Variants in ANKS1B observed in about 807,000 individuals in gnomAD.
ANKS1B encodes the protein ankyrin repeat and sterile alpha motif domain-containing protein 1B.
A neutral mutation model predicts 148.3 loss-of-function variants in ANKS1B; 36 were observed. The observed-to-expected ratio is 0.24, with a 90% confidence interval of 0.19 to 0.32. The LOEUF (loss-of-function observed/expected upper bound fraction) is 0.32. Among genes scored for constraint, ANKS1B ranks in the 10% least tolerant of loss-of-function variants. The pLI is 1.00. For synonymous variants in ANKS1B, 542 were observed against 560.8 expected (o/e 0.97, Z 0.47); for missense variants, 1,157 against 1,542.6 (o/e 0.75, Z 4.19).
intron 12 of ANKS1B, among the ~76,000 whole-genome samples, chr12:99,317,593 A>G (rs1566878726): frequency 1.3e-5 from 2 of 152,100 alleles, no homozygotes; most frequent in Non-Finnish European, 2.9e-5. Context: ...TAAATATACA[A>G]TCATGGCATC....
chr12:99,780,106 TAC>T, intron 5 of ANKS1B, 134 bp from the exon 6 acceptor site: 18 of 653,102 alleles, frequency 2.8e-5, no homozygotes, highest in African/African-American at 5.6e-5. Context: ...AATTAAGTTC[TAC>T]ACACACACAT....
intron 9 of ANKS1B, among the ~76,000 whole-genome samples, chr12:99,615,977 G>A (rs1041527034): frequency 6.6e-6 from 1 of 152,074 alleles, no homozygotes; most frequent in Non-Finnish European, 1.5e-5. Context: ...AAAATCACAA[G>A]CATTCCTATA....
chr12:98,888,358 T>C (rs1250232329), intron 17 of ANKS1B, among the ~76,000 whole-genome samples: 2 of 152,208 alleles, frequency 1.3e-5, no homozygotes, highest in Non-Finnish European at 2.9e-5. Flanking sequence ...GCCAAGTCAC[T>C]ATTATTTCTC....
intron 17 of ANKS1B, among the ~76,000 whole-genome samples, chr12:98,906,880 A>G (rs1463877111): frequency 1.3e-5 from 2 of 152,178 alleles, no homozygotes; most frequent in East Asian, 3.8e-4. Flanking sequence ...GGTAGAATTA[A>G]CAAGCAAAAC....
At chr12:99,137,520 A>G (rs150619193) in intron 15 of ANKS1B, among the ~76,000 whole-genome samples, 75 of 152,318 alleles carry the variant, frequency 4.9e-4, no homozygotes, top group African/African-American at 1.8e-3. Context: ...AAAGACAGAA[A>G]TAAACAAACC....
chr12:99,137,999 TAGAATA>T (rs1247801751), intron 15 of ANKS1B, among the ~76,000 whole-genome samples: 2 of 152,290 alleles, frequency 1.3e-5, no homozygotes, highest in East Asian at 3.9e-4. Context: ...GTAAAACACT[TAGAATA>T]GTGGTGCCTG....
intron 12 of ANKS1B, among the ~76,000 whole-genome samples, chr12:99,304,349 C>T (rs889096060): frequency 1.3e-5 from 2 of 152,024 alleles, no homozygotes; most frequent in African/African-American, 4.8e-5. Flanking sequence ...CTGGGAGGGT[C>T]TTCTTAACGC....
intron 9 of ANKS1B, among the ~76,000 whole-genome samples, chr12:99,559,215 A>G (rs1314226582): frequency 6.6e-6 from 1 of 151,964 alleles, no homozygotes; most frequent in Non-Finnish European, 1.5e-5. Flanking sequence ...TCCTAGTTGC[A>G]TCTAGTTGGC....
At chr12:98,990,051 A>G (rs2099925670) in intron 17 of ANKS1B, among the ~76,000 whole-genome samples, 1 of 152,164 alleles carries the variant, frequency 6.6e-6, no homozygotes, top group Admixed American at 6.5e-5. Context: ...AGAAAAAGAA[A>G]GAAAGTCATT....
chr12:99,131,900 C>T (rs963171633), intron 15 of ANKS1B, among the ~76,000 whole-genome samples: 2 of 152,164 alleles, frequency 1.3e-5, no homozygotes, highest in Non-Finnish European at 2.9e-5. Context: ...CTGCTCTCCC[C>T]CTGCCTCTCC....
intron 17 of ANKS1B, among the ~76,000 whole-genome samples, chr12:98,908,657 G>A (rs759000458): frequency 6.6e-6 from 1 of 152,166 alleles, no homozygotes; most frequent in Non-Finnish European, 1.5e-5. Context: ...GCTGCTTGAG[G>A]AGAAGAGTCA....
At chr12:99,734,026 C>G (rs892270049) in intron 8 of ANKS1B, among the ~76,000 whole-genome samples, 3 of 152,182 alleles carry the variant, frequency 2.0e-5, no homozygotes, top group Non-Finnish European at 2.9e-5. Context: ...CTGTTCCAAA[C>G]CTTAATCACC....
chr12:99,663,433 C>T (rs1372804392), intron 8 of ANKS1B, among the ~76,000 whole-genome samples: 1 of 152,090 alleles, frequency 6.6e-6, no homozygotes, highest in Non-Finnish European at 1.5e-5. Context: ...TGAAAATTAC[C>T]TTGCAAGGCT....
chr12:99,236,386 G>A (rs1385773480), intron 14 of ANKS1B, among the ~76,000 whole-genome samples: 1 of 152,158 alleles, frequency 6.6e-6, no homozygotes, highest in East Asian at 1.9e-4. Context: ...GGAGGCCTCA[G>A]GAAACTTACA....
chr12:99,314,453 T>C (rs1399865281), intron 12 of ANKS1B, among the ~76,000 whole-genome samples: 1 of 152,142 alleles, frequency 6.6e-6, no homozygotes, highest in East Asian at 1.9e-4. Flanking sequence ...AGACCCCATA[T>C]ATCCAAGAAA....
intron 12 of ANKS1B, among the ~76,000 whole-genome samples, chr12:99,376,047 G>A (rs947246944): frequency 6.6e-6 from 1 of 152,172 alleles, no homozygotes; most frequent in Non-Finnish European, 1.5e-5. Context: ...CACAAAATCA[G>A]AGAAATGACA....
chr12:99,858,780 A>G (rs1354058899), intron 1 of ANKS1B, among the ~76,000 whole-genome samples: 1 of 152,202 alleles, frequency 6.6e-6, no homozygotes, highest in Non-Finnish European at 1.5e-5. Flanking sequence ...TCAGGAATGA[A>G]AAACCAGACA....
rs1054315247 is a variant in ANKS1B at position 99,006,856 on chromosome 12, C to T, written c.2778+46301G>A. Among the ~76,000 whole-genome samples, 5 of 152,148 alleles carry T rather than the reference C, an allele frequency of 3.3e-5. No individual in the cohort carries two copies. In the South Asian group the frequency reaches 1.0e-3, roughly 32 times the overall value. ...ATTTAGTATGCATACCATTATTCTCCTTCCCATTATCCATATGAGGAAAGC... is the reference window on the plus strand; with the variant it reads ...ATTTAGTATGCATACCATTATTCTCTTTCCCATTATCCATATGAGGAAAGC... On this transcript the variant is annotated intron_variant, in intron 17 of 26. Coordinates refer to ENST00000683438, the MANE Select transcript of ANKS1B (RefSeq NM_001352186.2).
intron 14 of ANKS1B, among the ~76,000 whole-genome samples, chr12:99,160,774 A>G (rs1033152686): frequency 2.0e-5 from 3 of 152,158 alleles, no homozygotes; most frequent in African/African-American, 7.2e-5. Flanking sequence ...CAGCTATCCC[A>G]GCATAATTTG....
Sources: gnomAD v4.1 joint callset for allele counts (sites outside exome capture counted in the v4.1 genomes callset) on GRCh38, gnomAD v4.1.1 for gene constraint, MANE v1.5 for transcripts, NCBI Gene and HGNC (gene_info 2026-07-23, HGNC 2026-07-21) for gene names.